COL21A1: variants seen among roughly 807,000 people sequenced by gnomAD.
COL21A1 encodes the protein collagen type XXI alpha 1 chain, also known as collagen alpha-1(XXI) chain.
Under a neutral mutation model 137.9 loss-of-function variants are expected in COL21A1, and 149 were observed. The ratio of observed to expected loss-of-function variants is 1.08; its 90% confidence interval spans 0.95 to 1.24. The LOEUF is 1.24. Ranked by LOEUF, COL21A1 falls within the 50% of genes most tolerant of loss-of-function variation. The pLI is 0.00. For synonymous variants in COL21A1, 456 were observed against 391.5 expected (o/e 1.16, Z -1.95); for missense variants, 1,167 against 1,158.4 (o/e 1.01, Z -0.11).
chr6:56,343,924 T>A (rs963939276), intron 1 of COL21A1, among the ~76,000 whole-genome samples: 1 of 152,056 alleles, frequency 6.6e-6, no homozygotes, highest in African/African-American at 2.4e-5. Flanking sequence ...CCAGCCTGGG[T>A]GACAAAGAAA....
chr6:56,338,466 C>G (rs1051283421), intron 1 of COL21A1, among the ~76,000 whole-genome samples: 2 of 152,176 alleles, frequency 1.3e-5, no homozygotes, highest in Admixed American at 6.5e-5. Flanking sequence ...TGCCCCCTCT[C>G]ACCCTGGCCA....
At chr6:56,342,202 G>A (rs561615767) in intron 1 of COL21A1, among the ~76,000 whole-genome samples, 4 of 152,218 alleles carry the variant, frequency 2.6e-5, no homozygotes, top group South Asian at 2.1e-4. Flanking sequence ...GCTGTACCTC[G>A]GGGAAAGGGC....
rs115878820 is a variant in COL21A1 at position 56,329,253 on chromosome 6, G to A, written c.-39+64718C>T. On this transcript the variant is annotated intron_variant, in intron 1 of 28. Coordinates refer to the COL21A1 transcript ENST00000370819. ...ACTTTGACTATCTTAAATATTTTGT[G>A]TGTACATATAATCACACACAGATGC... Among the ~76,000 whole-genome samples, 360 of 152,060 alleles carry A rather than the reference G, an allele frequency of 2.4e-3. 1 individual carries two copies. Among genetic ancestry groups the A allele is most frequent in the African/African-American group, 8.2e-3 (341 of 41,494 alleles).
At chr6:56,202,690 A>T (rs1329639190) in intron 1 of COL21A1, among the ~76,000 whole-genome samples, 2 of 152,222 alleles carry the variant, frequency 1.3e-5, no homozygotes, top group Admixed American at 1.3e-4. Flanking sequence ...ACTGCAGGGT[A>T]GGTATTTCTT....
intron 1 of COL21A1, among the ~76,000 whole-genome samples, chr6:56,202,004 A>C (rs918164099): frequency 6.6e-6 from 1 of 152,142 alleles, no homozygotes; most frequent in Admixed American, 6.6e-5. Flanking sequence ...ATAAGAACAG[A>C]ATAATAATCC....
rs371442033 is a variant in COL21A1 at position 56,060,093 on chromosome 6, G to T, written c.2533C>A (p.Pro845Thr). Residue 845 changes from proline (P) to threonine (T), a missense_variant, in exon 28 of 30, where the codon CCT (proline) becomes ACT (threonine). Coordinates refer to ENST00000244728, the MANE Select transcript of COL21A1 (RefSeq NM_030820.4). ...PIGPEGPRGL[P>T]GLPGRDGVPG... ...ACACCATCTCTTCCTGGCAAACCAGGTAATCCTCTGGGACCCTCTGGGCCT... is the reference window on the plus strand; with the variant it reads ...ACACCATCTCTTCCTGGCAAACCAGTTAATCCTCTGGGACCCTCTGGGCCT... 52 of 1,609,682 alleles carry T rather than the reference G, an allele frequency of 3.2e-5. No homozygotes were observed. In the East Asian group the frequency reaches 3.6e-4, roughly 11 times the overall value.
At chr6:56,296,222 A>G (rs1380795816) in intron 1 of COL21A1, among the ~76,000 whole-genome samples, 2 of 152,036 alleles carry the variant, frequency 1.3e-5, no homozygotes, top group African/African-American at 4.8e-5. Context: ...CTTGTCTAAC[A>G]TAAAATTTTT....
intron 1 of COL21A1, among the ~76,000 whole-genome samples, chr6:56,332,786 C>A (rs1446715479): frequency 6.6e-6 from 1 of 151,948 alleles, no homozygotes; most frequent in Non-Finnish European, 1.5e-5. Context: ...ATAAAAACTT[C>A]TAAATGTTTC....
chr6:56,218,967 C>T (rs935483197), intron 1 of COL21A1, among the ~76,000 whole-genome samples: 3 of 151,908 alleles, frequency 2.0e-5, no homozygotes, highest in Non-Finnish European at 2.9e-5. Flanking sequence ...TATGGTCGTT[C>T]GGCATTTGAA....
At chr6:56,300,818 G>A (rs12663215) in intron 1 of COL21A1, among the ~76,000 whole-genome samples, 11,858 of 152,138 alleles carry the variant, frequency 0.078, 534 homozygotes, top group Middle Eastern at 0.14. Flanking sequence ...TTGGTTGATT[G>A]ACTGGTGAAG....
At position 56,097,979 on chromosome 6, in the gene COL21A1, AT is replaced by A. The variant is rs1562188995; in HGVS notation, c.1812+3492del. Among the ~76,000 whole-genome samples the A allele has an allele frequency of 3.1e-3, 223 of 70,926 alleles. 4 individuals are homozygous for A. The highest frequency in any genetic ancestry group is 0.012 in the East Asian group (30 of 2,412). 46.5% of individuals were successfully genotyped at this position (70,926 alleles called of 152,430 possible). A position where few individuals can be genotyped will look rare whatever the true frequency, so the allele number is the denominator to read the frequency against. ...AAAATATATATAAATATATAAATAT[AT>A]ATAAATATATATGTAAATATATAAA... On this transcript the variant is annotated intron_variant, in intron 17 of 29. Coordinates refer to ENST00000244728, the MANE Select transcript of COL21A1 (RefSeq NM_030820.4).
chr6:56,180,123 C>T lies in COL21A1; in HGVS notation c.95G>A (p.Arg32His), dbSNP rs1338004950. 2.5e-6 allele frequency: 4 copies of T among 1,604,588 alleles called. No individual in the cohort carries two copies. The highest frequency in any genetic ancestry group is 2.2e-5 in the East Asian group (1 of 44,812). The change falls in exon 3 of 30, where the codon CGT becomes CAT. Residue 32 changes from arginine to histidine, a missense_variant. Physicochemically the swap from Arg to His is conservative, Grantham distance 29. Transcript: ENST00000244728. ...AEDGEVRSSC[R>H]TAPTDLVFIL... ...GAAAACTAAATCTGTCGGAGCAGTA[C>T]GACAACCTAAGTGCAAAAGAAAACC...
rs1765709838 is a variant in COL21A1, at chr6:56,060,660, A to G, written c.2407+81T>C. On this transcript the variant is annotated intron_variant, in intron 27 of 29. Transcript: ENST00000244728. Reference sequence around the variant, plus strand: ...CTGTTTTCTTCTTCACCTCACTTATATCCTCTACAATATGTCCTAAGAATT... The same window carrying G: ...CTGTTTTCTTCTTCACCTCACTTATGTCCTCTACAATATGTCCTAAGAATT... 5.2e-6 allele frequency: 6 copies of G among 1,153,968 alleles called. No individual in the cohort carries two copies. In the East Asian group the frequency reaches 1.5e-4, roughly 28 times the overall value. 71.5% of individuals were successfully genotyped at this position (1,153,968 alleles called of 1,614,324 possible).
At chr6:56,117,412 C>T (rs1772038135) in intron 16 of COL21A1, among the ~76,000 whole-genome samples, 1 of 151,902 alleles carries the variant, frequency 6.6e-6, no homozygotes, top group Admixed American at 6.6e-5. Flanking sequence ...ATGCACCTAA[C>T]ACCCAAGCAT....
In COL21A1 at chr6:56,213,653, G is replaced by T. The variant is rs989851122; in HGVS notation, c.-38-30997C>A. ...ACATACATTTCATTATTTTCCCTCC[G>T]TAGAGCACTCCTTTACGGAAAAAAA... On this transcript the variant is annotated intron_variant, in intron 1 of 29. Transcript: ENST00000244728. 6.6e-5 allele frequency among the ~76,000 whole-genome samples: 10 copies of T among 151,820 alleles called. No homozygotes were observed. The East Asian group carries it at 9.6e-4, about 15-fold the overall frequency.
chr6:56,358,030 T>C (rs1765874155), intron 1 of COL21A1, among the ~76,000 whole-genome samples: 1 of 152,222 alleles, frequency 6.6e-6, no homozygotes, highest in African/African-American at 2.4e-5. Context: ...AAAGAATCAA[T>C]GTCTAGCTAA....
chr6:56,358,201 C>T (rs1405872178), intron 1 of COL21A1, among the ~76,000 whole-genome samples: 1 of 152,014 alleles, frequency 6.6e-6, no homozygotes, highest in East Asian at 1.9e-4. Context: ...ATAGAGAAGG[C>T]CAAGTGCAGT....
chr6:56,210,026 G>C (rs927799580), intron 1 of COL21A1, among the ~76,000 whole-genome samples: 1 of 150,750 alleles, frequency 6.6e-6, no homozygotes, highest in South Asian at 2.1e-4. Context: ...CAAACACCAC[G>C]TGTTCTCACT....
chr6:56,393,700 T>C (rs905221599), intron 1 of COL21A1, among the ~76,000 whole-genome samples: 34 of 152,078 alleles, frequency 2.2e-4, no homozygotes, highest in South Asian at 2.1e-4. Flanking sequence ...CCCTTTGAAA[T>C]AAGCGGCAGG....
Sources: allele counts gnomAD v4.1 joint callset (sites outside exome capture counted in the v4.1 genomes callset), GRCh38; gene constraint gnomAD v4.1.1; transcripts MANE v1.5; gene names NCBI Gene and HGNC (gene_info 2026-07-23, HGNC 2026-07-21).